Variants in RAB27B observed in about 807,000 individuals in gnomAD.
The protein encoded by RAB27B is ras-related protein Rab-27B.
RAB27B carries 15 observed loss-of-function variants against 24.6 expected under a neutral mutation model. The observed-to-expected ratio is 0.61, with a 90% CI of 0.41 to 0.94. The LOEUF (loss-of-function observed/expected upper bound fraction) is 0.94. Ranked by LOEUF, RAB27B falls within the 40% of genes least tolerant of loss-of-function variation. RAB27B has a pLI of 0.00. For missense variants in RAB27B, 261 were observed against 266.8 expected (o/e 0.98, Z 0.15); for synonymous variants, 105 against 92.5 (o/e 1.14, Z -0.78).
intron 2 of RAB27B, among the ~76,000 whole-genome samples, chr18:54,801,171 C>A (rs7227448): frequency 0.45 from 67,762 of 151,286 alleles, 16,222 homozygotes; most frequent in Middle Eastern, 0.56. Context: ...CGCCACCACA[C>A]CTGGCTAATT....
intron 5 of RAB27B, 121 bp downstream of exon 5, chr18:54,888,239 A>G: frequency 5.3e-6 from 6 of 1,141,696 alleles, no homozygotes; most frequent in Non-Finnish European, 7.4e-6. Context: ...TGGATTAAAA[A>G]GATCTTTCAG....
At chr18:54,762,624 GT>G (rs1173459125) in intron 2 of RAB27B, among the ~76,000 whole-genome samples, 1 of 152,106 alleles carries the variant, frequency 6.6e-6, no homozygotes, top group African/African-American at 2.4e-5. Context: ...TCCTTCAGAT[GT>G]GTGCTAGGCT....
At position 54,769,787 on chromosome 18, in the gene RAB27B, T is replaced by A. The variant is rs187068686; in HGVS notation, c.-20+51646T>A. ...ATTTTTTTTCTAGTTAAGTAGTCCC[T>A]TGGACCAACACTATTTACTTAATAA... On this transcript the variant is annotated intron_variant, in intron 2 of 4. Transcript: ENST00000586570. Among the ~76,000 whole-genome samples the A allele has an allele frequency of 3.2e-4, 49 of 152,306 alleles. No individual in the cohort carries two copies. In the East Asian group the frequency reaches 4.6e-3, roughly 14 times the overall value.
At chr18:54,737,907 G>T (rs1443990562) in intron 2 of RAB27B, among the ~76,000 whole-genome samples, 2 of 152,134 alleles carry the variant, frequency 1.3e-5, no homozygotes, top group Non-Finnish European at 2.9e-5. Context: ...GCCATAAAAA[G>T]AGGTGTCAGA....
At chr18:54,828,362 TGA>T (rs1910545281), upstream of RAB27B, 1 of 152,214 alleles carries the variant, frequency 6.6e-6, no homozygotes, top group South Asian at 2.1e-4. Context: ...AAGACTTGCC[TGA>T]GGTGAGCTCC....
upstream of RAB27B, among the ~76,000 whole-genome samples, chr18:54,827,406 A>C (rs548116073): frequency 1.3e-5 from 2 of 152,344 alleles, no homozygotes; most frequent in South Asian, 4.1e-4. Context: ...GAAGGACATA[A>C]AATAGAACTT....
intron 2 of RAB27B, among the ~76,000 whole-genome samples, chr18:54,759,099 A>G (rs1270475330): frequency 6.6e-6 from 1 of 152,198 alleles, no homozygotes; most frequent in Non-Finnish European, 1.5e-5. Context: ...CAATAAGCAC[A>G]TGTTGAATCA....
chr18:54,753,180 G>C (rs950454700), intron 2 of RAB27B, among the ~76,000 whole-genome samples: 1 of 152,018 alleles, frequency 6.6e-6, no homozygotes, highest in Non-Finnish European at 1.5e-5. Context: ...TACATTTGGG[G>C]GTCACAAGAT....
intron 2 of RAB27B, among the ~76,000 whole-genome samples, chr18:54,747,537 T>C (rs1306839862): frequency 1.3e-5 from 2 of 152,184 alleles, no homozygotes; most frequent in Non-Finnish European, 2.9e-5. Flanking sequence ...CCACAGTGGA[T>C]AATTCAGTCT....
intron 1 of RAB27B, among the ~76,000 whole-genome samples, chr18:54,830,611 T>C (rs1340779740): frequency 1.4e-5 from 2 of 140,332 alleles, no homozygotes; most frequent in African/African-American, 5.1e-5. Context: ...ATGGGAATGA[T>C]TTTTTTTTTA....
intron 2 of RAB27B, among the ~76,000 whole-genome samples, chr18:54,816,019 G>A (rs1358868562): frequency 2.0e-5 from 3 of 152,104 alleles, no homozygotes; most frequent in Non-Finnish European, 2.9e-5. Flanking sequence ...TTTAAATATC[G>A]AAACCCCTAT....
At chr18:54,760,875 G>A (rs1347391988) in intron 2 of RAB27B, among the ~76,000 whole-genome samples, 1 of 151,968 alleles carries the variant, frequency 6.6e-6, no homozygotes, top group African/African-American at 2.4e-5. Flanking sequence ...CTAGATGAAA[G>A]GTCTTTGAAT....
intron 2 of RAB27B, among the ~76,000 whole-genome samples, chr18:54,822,144 A>C (rs927650927): frequency 1.3e-5 from 2 of 152,234 alleles, no homozygotes; most frequent in Non-Finnish European, 2.9e-5. Flanking sequence ...AAAAAGAGAT[A>C]GTTATCTTAA....
At chr18:54,837,588 C>T (rs896905103) in intron 1 of RAB27B, among the ~76,000 whole-genome samples, 3 of 151,914 alleles carry the variant, frequency 2.0e-5, no homozygotes, top group South Asian at 2.1e-4. Flanking sequence ...TGCAGGCACA[C>T]GGGTGATCTC....
At chr18:54,850,636 G>C (rs1221062741) in intron 1 of RAB27B, among the ~76,000 whole-genome samples, 2 of 151,402 alleles carry the variant, frequency 1.3e-5, no homozygotes, top group African/African-American at 4.8e-5. Context: ...AAAGTGTTGG[G>C]ATTGCAGGCG....
chr18:54,782,095 T>C (rs1908935976), intron 2 of RAB27B, among the ~76,000 whole-genome samples: 1 of 152,242 alleles, frequency 6.6e-6, no homozygotes, highest in Non-Finnish European at 1.5e-5. Context: ...CTCTTGGCTA[T>C]CATGCCTGGC....
chr18:54,731,360 A>C (rs906641943), intron 2 of RAB27B, among the ~76,000 whole-genome samples: 2 of 152,232 alleles, frequency 1.3e-5, no homozygotes, highest in Non-Finnish European at 2.9e-5. Flanking sequence ...CTGGGCAAAA[A>C]TTCATAATGA....
At chr18:54,838,017 A>T (rs1011291979) in intron 1 of RAB27B, among the ~76,000 whole-genome samples, 1 of 152,140 alleles carries the variant, frequency 6.6e-6, no homozygotes, top group African/African-American at 2.4e-5. Context: ...TGATTGAATC[A>T]AGTGATTCTG....
intron 1 of RAB27B, among the ~76,000 whole-genome samples, chr18:54,852,117 G>A (rs988243848): frequency 1.3e-5 from 2 of 152,136 alleles, no homozygotes; most frequent in Non-Finnish European, 2.9e-5. Context: ...AGTTTTTGCA[G>A]TTGCAACACT....
Sources: allele counts gnomAD v4.1 joint callset (sites outside exome capture counted in the v4.1 genomes callset), GRCh38; gene constraint gnomAD v4.1.1; transcripts MANE v1.5; gene names NCBI Gene and HGNC (gene_info 2026-07-23, HGNC 2026-07-21).